The following SLC24A2 variants were observed in gnomAD, a reference collection of about 807,000 sequenced individuals.
SLC24A2 encodes the protein solute carrier family 24 member 2.
SLC24A2 carries 36 observed loss-of-function variants against 62.0 expected under a neutral mutation model. That is an observed-to-expected ratio of 0.58 (90% CI 0.44 to 0.77). The LOEUF is 0.77. SLC24A2 is among the 30% of genes least tolerant of loss of function. SLC24A2 has a pLI of 0.00. For missense variants in SLC24A2, 846 were observed against 817.9 expected (o/e 1.03, Z -0.42); for synonymous variants, 358 against 294.0 (o/e 1.22, Z -2.23).
chr9:19,676,529 T>A (rs1819564994), intron 2 of SLC24A2, among the ~76,000 whole-genome samples: 2 of 152,020 alleles, frequency 1.3e-5, no homozygotes, highest in African/African-American at 4.8e-5. Flanking sequence ...ATATCTTCTA[T>A]TTTTTTTCCC....
the SLC24A2 span, among the ~76,000 whole-genome samples, chr9:19,795,524 T>A: frequency 1.3e-5 from 2 of 152,206 alleles, no homozygotes; most frequent in African/African-American, 4.8e-5. Flanking sequence ...TGCTTTCTGG[T>A]CTCTAGAAAG....
At chr9:20,005,653 G>A in the SLC24A2 span, among the ~76,000 whole-genome samples, 6 of 151,788 alleles carry the variant, frequency 4.0e-5, no homozygotes, top group Non-Finnish European at 4.4e-5. Context: ...GGTGGGACAG[G>A]GTATTTCTTA....
At chr9:19,891,499 C>A in the SLC24A2 span, among the ~76,000 whole-genome samples, 1 of 152,176 alleles carries the variant, frequency 6.6e-6, no homozygotes, top group South Asian at 2.1e-4. Flanking sequence ...GAAGCTTCCA[C>A]TTGTGGTAGA....
the SLC24A2 span, among the ~76,000 whole-genome samples, chr9:19,977,688 A>G: frequency 9.2e-5 from 14 of 152,316 alleles, no homozygotes; most frequent in East Asian, 1.9e-3. Flanking sequence ...AGCAGGAACA[A>G]TTTGAAGGCA....
intron 2 of SLC24A2, among the ~76,000 whole-genome samples, chr9:19,784,146 A>G (rs966644545): frequency 6.6e-6 from 1 of 152,200 alleles, no homozygotes; most frequent in Non-Finnish European, 1.5e-5. Context: ...TTGAGTAGGT[A>G]AAGATCATTC....
intron 2 of SLC24A2, among the ~76,000 whole-genome samples, chr9:19,712,691 C>T (rs919388178): frequency 3.3e-5 from 5 of 152,118 alleles, no homozygotes; most frequent in African/African-American, 1.2e-4. Flanking sequence ...CAAGCAAGTT[C>T]CCATCTCATG....
At chr9:20,145,512 A>AT in the SLC24A2 span, among the ~76,000 whole-genome samples, 8 of 152,052 alleles carry the variant, frequency 5.3e-5, no homozygotes, top group Non-Finnish European at 1.0e-4. Flanking sequence ...AGAATGTAAG[A>AT]TTTTCAGGAA....
intron 4 of SLC24A2, among the ~76,000 whole-genome samples, chr9:19,611,412 G>A (rs924602320): frequency 1.3e-5 from 2 of 151,064 alleles, no homozygotes; most frequent in Non-Finnish European, 3.0e-5. Context: ...GAGGGGAAAC[G>A]AGGGCAGAGA....
intron 2 of SLC24A2, among the ~76,000 whole-genome samples, chr9:19,628,358 A>G (rs1818087522): frequency 6.6e-6 from 1 of 152,220 alleles, no homozygotes; most frequent in Non-Finnish European, 1.5e-5. Context: ...AAGTATGTAC[A>G]TAGAAGACAG....
chr9:20,204,476 C>T, the SLC24A2 span, among the ~76,000 whole-genome samples: 2 of 152,166 alleles, frequency 1.3e-5, no homozygotes, highest in African/African-American at 4.8e-5. Context: ...CTTGACAACA[C>T]ACACAAGTGG....
chr9:20,051,939 T>C, the SLC24A2 span, among the ~76,000 whole-genome samples: 1 of 152,184 alleles, frequency 6.6e-6, no homozygotes, highest in East Asian at 1.9e-4. Flanking sequence ...CGTTTTCTCA[T>C]ATGTAAACTC....
intron 1 of SLC24A2, among the ~76,000 whole-genome samples, chr9:19,787,971 G>A (rs1461639383): frequency 6.6e-6 from 1 of 152,174 alleles, no homozygotes; most frequent in East Asian, 1.9e-4. Flanking sequence ...GGAGGAGATG[G>A]GTAAAATAGC....
the SLC24A2 span, among the ~76,000 whole-genome samples, chr9:20,050,855 C>A: frequency 6.6e-6 from 1 of 151,616 alleles, no homozygotes; most frequent in Admixed American, 6.6e-5. Context: ...AATGATGTCA[C>A]GATTGGAAAA....
chr9:19,874,318 T>C, the SLC24A2 span, among the ~76,000 whole-genome samples: 13 of 152,282 alleles, frequency 8.5e-5, no homozygotes, highest in Admixed American at 5.2e-4. Flanking sequence ...TATAATTCAT[T>C]GCTCTGGAAA....
chr9:19,784,615 T>G (rs1241094128), intron 2 of SLC24A2, among the ~76,000 whole-genome samples: 1 of 152,202 alleles, frequency 6.6e-6, no homozygotes, highest in Non-Finnish European at 1.5e-5. Flanking sequence ...GGGATCACCT[T>G]TTTGGCTGCT....
the SLC24A2 span, among the ~76,000 whole-genome samples, chr9:19,990,430 T>G: frequency 1.3e-5 from 2 of 151,496 alleles, no homozygotes; most frequent in Non-Finnish European, 2.9e-5. Context: ...GCCAACATGG[T>G]GAAACCCCGT....
At chr9:19,812,964 C>A in the SLC24A2 span, among the ~76,000 whole-genome samples, 6 of 152,302 alleles carry the variant, frequency 3.9e-5, no homozygotes, top group African/African-American at 1.4e-4. Flanking sequence ...TAATCCTTGC[C>A]TCTTAGCTGA....
At chr9:20,215,542 T>C in the SLC24A2 span, among the ~76,000 whole-genome samples, 1 of 152,264 alleles carries the variant, frequency 6.6e-6, no homozygotes, top group African/African-American at 2.4e-5. Context: ...TTATGGTATG[T>C]GCTCAAGTAA....
the SLC24A2 span, among the ~76,000 whole-genome samples, chr9:19,806,334 G>T: frequency 1.4e-4 from 21 of 152,170 alleles, no homozygotes; most frequent in Non-Finnish European, 2.1e-4. Context: ...ATTAGTTGTA[G>T]AGTTTATTTG....
Sources: allele counts gnomAD v4.1 joint callset (sites outside exome capture counted in the v4.1 genomes callset), GRCh38; gene constraint gnomAD v4.1.1; transcripts MANE v1.5; gene names NCBI Gene and HGNC (gene_info 2026-07-23, HGNC 2026-07-21).